IL1RAPL2: variants seen among roughly 807,000 people sequenced by gnomAD.
The protein encoded by IL1RAPL2 is X-linked interleukin-1 receptor accessory protein-like 2.
Under a neutral mutation model 44.1 loss-of-function variants are expected in IL1RAPL2, and 3 were observed. The ratio of observed to expected loss-of-function variants is 0.07; its 90% CI spans 0.03 to 0.18. The LOEUF (loss-of-function observed/expected upper bound fraction) is 0.18. Ranked by LOEUF, IL1RAPL2 falls within the 10% of genes least tolerant of loss-of-function variation. IL1RAPL2 has a pLI of 1.00. For missense variants in IL1RAPL2, 391 were observed against 496.4 expected (o/e 0.79, Z 2.02); for synonymous variants, 181 against 178.8 (o/e 1.01, Z -0.10).
chrX:104,674,285 T>G (rs1396815822), intron 2 of IL1RAPL2, among the ~76,000 whole-genome samples: 1 of 111,874 alleles, frequency 8.9e-6, no homozygotes, highest in Non-Finnish European at 1.9e-5. Context: ...CATTACCTAA[T>G]TTCTTGAGAG....
intron 5 of IL1RAPL2, among the ~76,000 whole-genome samples, chrX:105,317,362 C>T (rs1250933570): frequency 8.9e-6 from 1 of 111,838 alleles, no homozygotes; most frequent in East Asian, 2.8e-4. Context: ...GGGGTTTTCG[C>T]TTTTTCTCCT....
intron 6 of IL1RAPL2, among the ~76,000 whole-genome samples, chrX:105,637,710 A>C (rs2037534486): frequency 1.8e-5 from 2 of 109,954 alleles, no homozygotes; most frequent in African/African-American, 6.6e-5. Context: ...AATGAGAATA[A>C]CCATACATTG....
intron 6 of IL1RAPL2, among the ~76,000 whole-genome samples, chrX:105,527,687 A>C (rs777964872): frequency 9.0e-6 from 1 of 111,269 alleles, no homozygotes; most frequent in Admixed American, 9.6e-5. Context: ...CACTAAATAC[A>C]TGGCAAATTG....
intron 2 of IL1RAPL2, among the ~76,000 whole-genome samples, chrX:104,870,715 C>T (rs765169897): frequency 2.7e-5 from 3 of 111,744 alleles, no homozygotes; most frequent in Non-Finnish European, 3.8e-5. Flanking sequence ...TTTCTATCTC[C>T]GTGATTTTTC....
At chrX:105,099,432 G>A (rs1275473139) in intron 2 of IL1RAPL2, among the ~76,000 whole-genome samples, 5 of 105,534 alleles carry the variant, frequency 4.7e-5, no homozygotes, top group East Asian at 2.9e-4. Context: ...AGCAGGAGAC[G>A]GGTGGGAGAG....
At chrX:104,699,311 T>G (rs1463798007) in intron 2 of IL1RAPL2, among the ~76,000 whole-genome samples, 1 of 111,540 alleles carries the variant, frequency 9.0e-6, no homozygotes, top group East Asian at 2.8e-4. Context: ...CCTGAGCTTG[T>G]TTTCCTGCAA....
At position 104,963,918 on chromosome X, in the gene IL1RAPL2, C is replaced by CGTGT. The variant is rs1188666209; in HGVS notation, c.83-231543_83-231540dup. Reference sequence around the variant, plus strand: ...TAGTATAACTTAATAATAGGATGTGCGTGTGTGTGTGTGTGTGAGAGAGAG... The same window carrying CGTGT: ...TAGTATAACTTAATAATAGGATGTGCGTGTGTGTGTGTGTGTGTGTGAGAGAGAG... On this transcript the variant is annotated intron_variant, in intron 2 of 10. Transcript: ENST00000372582. Among the ~76,000 whole-genome samples, 102 of 89,237 alleles carry CGTGT rather than the reference C, an allele frequency of 1.1e-3. 1 individual carries two copies. The highest frequency in any genetic ancestry group is 5.6e-3 in the Middle Eastern group (1 of 179). The allele number at this position is 89,237 out of a possible 115,157, so 77.5% of individuals were successfully genotyped here.
chrX:105,086,378 T>C (rs150315853), intron 2 of IL1RAPL2, among the ~76,000 whole-genome samples: 24 of 111,603 alleles, frequency 2.2e-4, no homozygotes, highest in African/African-American at 7.5e-4. Flanking sequence ...TGAAATAAGC[T>C]ATGCACTGAA....
intron 10 of IL1RAPL2, among the ~76,000 whole-genome samples, chrX:105,766,278 C>G (rs1163139917): frequency 1.8e-5 from 2 of 111,907 alleles, no homozygotes; most frequent in African/African-American, 6.5e-5. Context: ...CAAAAGCAGC[C>G]AGTTCCAATT....
intron 5 of IL1RAPL2, among the ~76,000 whole-genome samples, chrX:105,328,899 G>A (rs1284778802): frequency 3.6e-5 from 4 of 111,843 alleles, no homozygotes; most frequent in African/African-American, 9.7e-5. Flanking sequence ...AGGCTATGCA[G>A]TCTAGGTTTG....
chrX:104,720,503 T>A (rs936426298), intron 2 of IL1RAPL2, among the ~76,000 whole-genome samples: 2 of 111,950 alleles, frequency 1.8e-5, no homozygotes, highest in Non-Finnish European at 3.8e-5. Flanking sequence ...ACATGCACCT[T>A]CATAAAATGA....
intron 2 of IL1RAPL2, among the ~76,000 whole-genome samples, chrX:104,729,245 C>A (rs1162032512): frequency 9.0e-6 from 1 of 110,519 alleles, no homozygotes; most frequent in Non-Finnish European, 1.9e-5. Context: ...AATTCATATG[C>A]CAAAGGTATA....
At chrX:105,004,504 T>C (rs1169690761) in intron 2 of IL1RAPL2, among the ~76,000 whole-genome samples, 1 of 110,640 alleles carries the variant, frequency 9.0e-6, no homozygotes, top group Non-Finnish European at 1.9e-5. Flanking sequence ...ACAGGTTGAA[T>C]TTGTGATAAA....
intron 5 of IL1RAPL2, among the ~76,000 whole-genome samples, chrX:105,284,856 G>A (rs1294903247): frequency 2.7e-5 from 3 of 111,361 alleles, no homozygotes; most frequent in African/African-American, 9.8e-5. Context: ...AGCCAGGGGT[G>A]TCATTGGAGA....
At chrX:105,107,216 G>A (rs762850546) in intron 2 of IL1RAPL2, among the ~76,000 whole-genome samples, 2 of 111,936 alleles carry the variant, frequency 1.8e-5, no homozygotes, top group African/African-American at 6.5e-5. Context: ...AAGCATTTAC[G>A]GAGTACTTAC....
chrX:105,660,250 A>C lies in IL1RAPL2; in HGVS notation c.773-57117A>C, dbSNP rs921786964. Among the ~76,000 whole-genome samples the C allele has an allele frequency of 3.0e-4, 33 of 111,677 alleles. 1 individual carries two copies. Among genetic ancestry groups the C allele is most frequent in the Non-Finnish European group, 5.5e-4 (29 of 53,044 alleles). On this transcript the variant is annotated intron_variant, in intron 6 of 10. Transcript: ENST00000372582. ...ATATTTCAAGTGCTAAAGAAAAAAAACTGTATCCTAGAATAGTATATCCAG... is the reference window on the plus strand; with the variant it reads ...ATATTTCAAGTGCTAAAGAAAAAAACCTGTATCCTAGAATAGTATATCCAG...
chrX:105,433,781 T>C (rs997635376), intron 5 of IL1RAPL2, among the ~76,000 whole-genome samples: 1 of 111,311 alleles, frequency 9.0e-6, no homozygotes, highest in Non-Finnish European at 1.9e-5. Context: ...ACTCACCTTC[T>C]ACCTCTTGTG....
In IL1RAPL2 at chrX:104,730,764, A is replaced by C. The variant is rs868020170; in HGVS notation, c.82+71769A>C. Among the ~76,000 whole-genome samples the C allele has an allele frequency of 4.3e-3, 455 of 105,960 alleles. 3 individuals are homozygous for C. Among genetic ancestry groups the C allele is most frequent in the African/African-American group, 0.015 (434 of 29,166 alleles). The allele number at this position is 105,960 out of a possible 115,157, so 92.0% of individuals were successfully genotyped here. Reference sequence around the variant, plus strand: ...GTAATGGGATGGCTGGGTCAAATGGAATTTCTAGTTCTAGATCCCTGAGGA... The same window carrying C: ...GTAATGGGATGGCTGGGTCAAATGGCATTTCTAGTTCTAGATCCCTGAGGA... On this transcript the variant is annotated intron_variant, in intron 2 of 10. Coordinates refer to ENST00000372582, the MANE Select transcript of IL1RAPL2 (RefSeq NM_017416.2).
At chrX:105,237,521 T>C (rs1408315970) in intron 4 of IL1RAPL2, among the ~76,000 whole-genome samples, 5 of 111,999 alleles carry the variant, frequency 4.5e-5, no homozygotes, top group Non-Finnish European at 5.6e-5. Flanking sequence ...TTCCTGACTT[T>C]TTAATGATTG....
Sources: gnomAD v4.1 joint callset for allele counts (sites outside exome capture counted in the v4.1 genomes callset) on GRCh38, gnomAD v4.1.1 for gene constraint, MANE v1.5 for transcripts, NCBI Gene and HGNC (gene_info 2026-07-23, HGNC 2026-07-21) for gene names.